ASXL3: variants seen among roughly 807,000 people sequenced by gnomAD.
ASXL3 encodes the protein ASXL transcriptional regulator 3.
Under a neutral mutation model 170.6 loss-of-function variants are expected in ASXL3, and 34 were observed. The observed-to-expected ratio is 0.20, with a 90% CI of 0.15 to 0.27. ASXL3 has a LOEUF of 0.27. Ranked by LOEUF, ASXL3 falls within the 10% of genes least tolerant of loss-of-function variation. The pLI, the probability that ASXL3 is intolerant of heterozygous loss-of-function variation, is 1.00. For missense variants in ASXL3, 2,592 were observed against 2,695.3 expected, an observed-to-expected ratio of 0.96 and a Z score of 0.85; for synonymous variants, 1,002 against 989.1, an observed-to-expected ratio of 1.01 and a Z score of -0.24.
At chr18:33,727,246 A>T (rs1318623226) in intron 8 of ASXL3, among the ~76,000 whole-genome samples, 2 of 152,084 alleles carry the variant, frequency 1.3e-5, no homozygotes, top group East Asian at 3.9e-4. Flanking sequence ...CTCTCATACC[A>T]TGCAGTTAGA....
chr18:33,739,778 C>T lies in ASXL3; in HGVS notation c.2374C>T (p.Pro792Ser). Reference protein sequence around the residue: ...QKDESSATAKPLGENLTSQQK... With the variant: ...QKDESSATAKSLGENLTSQQK... ...AGATGAGTCTTCCGCCACTGCCAAACCTCTGGGAGAGAACCTTACCTCCCA... is the reference window on the plus strand; with the variant it reads ...AGATGAGTCTTCCGCCACTGCCAAATCTCTGGGAGAGAACCTTACCTCCCA... Residue 792 changes from proline (P) to serine (S), a missense_variant, in exon 11 of 12, where the codon CCT becomes TCT. By Grantham distance (74) the Pro-to-Ser change is moderately conservative (BLOSUM62 -1). This residue lies in a region of ASXL3 where 2,246 missense variants were observed against 2,219.6 expected (regional missense o/e 1.01). Coordinates refer to ENST00000269197, the MANE Select transcript of ASXL3 (RefSeq NM_030632.3). The T allele has an allele frequency of 6.2e-7, 1 of 1,613,838 alleles. No individual in the cohort carries two copies. Among genetic ancestry groups the T allele is most frequent in the South Asian group, 1.1e-5 (1 of 91,086 alleles).
chr18:33,682,010 C>T (rs1033463112), intron 7 of ASXL3, among the ~76,000 whole-genome samples: 2 of 151,940 alleles, frequency 1.3e-5, no homozygotes, highest in African/African-American at 4.8e-5. Context: ...TTTGACTGTT[C>T]TTTTATCATG....
chr18:33,732,059 C>A lies in ASXL3; in HGVS notation c.971C>A (p.Ala324Glu). ...GCACAAGGGTGGAAACAGCGACTGG[C>A]AGAAGGTAAATTTGTATTTTCTATT... ...YAAQGWKQRL[A>E]EGEFTPEMQL... The change falls in exon 9 of 12, where the codon GCA becomes GAA. Residue 324 changes from alanine (A) to glutamate (E), a missense_variant. Coordinates refer to ENST00000269197, the MANE Select transcript of ASXL3 (RefSeq NM_030632.3). The A allele has an allele frequency of 6.2e-7, 1 of 1,611,340 alleles. No homozygotes were observed. The highest frequency in any genetic ancestry group is 8.5e-7 in the Non-Finnish European group (1 of 1,178,284).
intron 4 of ASXL3, among the ~76,000 whole-genome samples, chr18:33,646,951 T>C (rs1340860725): frequency 1.3e-5 from 2 of 150,750 alleles, no homozygotes; most frequent in Admixed American, 1.3e-4. Flanking sequence ...AAGACAATTA[T>C]ATTGTGATCC....
At chr18:33,692,171 A>G (rs565091550) in intron 8 of ASXL3, among the ~76,000 whole-genome samples, 2 of 152,328 alleles carry the variant, frequency 1.3e-5, no homozygotes, top group South Asian at 4.1e-4. Flanking sequence ...ATGTGAGTAA[A>G]TTGAGGCCAC....
chr18:33,626,847 T>C (rs1055564642), intron 2 of ASXL3: 2 of 152,808 alleles, frequency 1.3e-5, no homozygotes, highest in African/African-American at 2.4e-5. Context: ...TATACACATA[T>C]ATAATATTTT....
chr18:33,689,588 T>C (rs948808288), intron 8 of ASXL3, among the ~76,000 whole-genome samples: 2 of 152,334 alleles, frequency 1.3e-5, no homozygotes, highest in Admixed American at 6.5e-5. Flanking sequence ...GTTTTCATAA[T>C]ATCTCCTACT....
intron 8 of ASXL3, among the ~76,000 whole-genome samples, chr18:33,697,017 G>C (rs2066784258): frequency 6.6e-6 from 1 of 152,084 alleles, no homozygotes. Flanking sequence ...CAGAGTTTCT[G>C]ATGGAAACCA....
rs1397232541 is a variant in ASXL3, at chr18:33,738,866, G to A, written c.1462G>A (p.Glu488Lys). The change falls in exon 11 of 12, where the codon GAA becomes AAA. Residue 488 changes from glutamate to lysine, a missense_variant. By Grantham distance (56) the Glu-to-Lys change is moderately conservative. Around this residue, in one of 4 missense-constraint regions of ASXL3, gnomAD observed 2,246 missense variants for 2,219.6 expected, o/e 1.01. Transcript: ENST00000269197. ...EEAESLTNSHEEPQIAPPEDN... is the reference protein window; with the variant it reads ...EEAESLTNSHKEPQIAPPEDN... ...GGCTGAAAGTCTAACCAATTCTCAT[G>A]AAGAACCCCAAATAGCACCTCCTGA... 4 of 1,613,556 alleles carry A rather than the reference G, an allele frequency of 2.5e-6. No individual in the cohort carries two copies. The highest frequency in any genetic ancestry group is 1.7e-6 in the Non-Finnish European group (2 of 1,179,786).
intron 2 of ASXL3, among the ~76,000 whole-genome samples, chr18:33,613,758 T>TA (rs1353388434): frequency 6.6e-6 from 1 of 152,024 alleles, no homozygotes; most frequent in East Asian, 1.9e-4. Flanking sequence ...CCTGTTTCTA[T>TA]AAAAAATAAA....
chr18:33,676,575 A>T (rs928469929), intron 7 of ASXL3, among the ~76,000 whole-genome samples: 1 of 152,184 alleles, frequency 6.6e-6, no homozygotes, highest in Non-Finnish European at 1.5e-5. Flanking sequence ...CACTGTTCTG[A>T]TATGCATAAA....
chr18:33,640,670 A>AC (rs2065832705), intron 2 of ASXL3, among the ~76,000 whole-genome samples: 1 of 152,088 alleles, frequency 6.6e-6, no homozygotes, highest in South Asian at 2.1e-4. Context: ...TGCACCTGAG[A>AC]CCCACCTAAC....
At chr18:33,647,191 C>A (rs1183353252) in intron 4 of ASXL3, among the ~76,000 whole-genome samples, 1 of 152,004 alleles carries the variant, frequency 6.6e-6, no homozygotes, top group African/African-American at 2.4e-5. Flanking sequence ...TCAGTAATAA[C>A]CCAAAGTCAT....
chr18:33,644,965 T>A lies in ASXL3; in HGVS notation c.209T>A (p.Phe70Tyr). ...TNTRIGDGTFFKIPGKSGLYA... is the reference protein window; with the variant it reads ...TNTRIGDGTFYKIPGKSGLYA... ...ACTCGAATAGGGGATGGAACATTCT[T>A]CAAAATCCCTGGAAAGTCAGGCCTC... Residue 70 changes from phenylalanine (F) to tyrosine (Y), a missense_variant, in exon 3 of 12, where the codon TTC (phenylalanine) becomes TAC (tyrosine). By Grantham distance (22) the Phe-to-Tyr change is conservative. Around this residue, in one of 4 missense-constraint regions of ASXL3, gnomAD observed 251 missense variants for 281.9 expected, o/e 0.89. Coordinates refer to ENST00000269197, the MANE Select transcript of ASXL3 (RefSeq NM_030632.3). 1 of 1,577,218 alleles carries A rather than the reference T, an allele frequency of 6.3e-7. No homozygotes were observed. The highest frequency in any genetic ancestry group is 8.6e-7 in the Non-Finnish European group (1 of 1,159,444).
At chr18:33,730,142 T>G (rs2067418694) in intron 8 of ASXL3, among the ~76,000 whole-genome samples, 1 of 152,020 alleles carries the variant, frequency 6.6e-6, no homozygotes, top group African/African-American at 2.4e-5. Flanking sequence ...TTTGGAGATG[T>G]TTTTTGTTGT....
intron 5 of ASXL3, among the ~76,000 whole-genome samples, chr18:33,666,821 C>T (rs937641980): frequency 6.6e-6 from 1 of 152,094 alleles, no homozygotes; most frequent in Admixed American, 6.5e-5. Flanking sequence ...GTGTGTGTTC[C>T]AAACCTTGTA....
chr18:33,626,631 T>C (rs1171362889), intron 2 of ASXL3: 1 of 152,064 alleles, frequency 6.6e-6, no homozygotes, highest in Non-Finnish European at 1.5e-5. Flanking sequence ...CAGGACAAAC[T>C]ATTTTCCATT....
At chr18:33,607,927 G>T (rs995570944) in intron 2 of ASXL3, among the ~76,000 whole-genome samples, 8 of 151,968 alleles carry the variant, frequency 5.3e-5, no homozygotes, top group Non-Finnish European at 1.0e-4. Context: ...GTGTGACTTA[G>T]CCCCTCATTG....
chr18:33,729,898 G>T (rs185160865), intron 8 of ASXL3, among the ~76,000 whole-genome samples: 2 of 152,016 alleles, frequency 1.3e-5, no homozygotes, highest in Admixed American at 6.6e-5. Context: ...AATCCCCAGC[G>T]TTCCCAACAC....
Sources: gnomAD v4.1 joint callset for allele counts (sites outside exome capture counted in the v4.1 genomes callset) on GRCh38, gnomAD v4.1.1 for gene constraint, gnomAD v4.1.1 regional missense constraint, MANE v1.5 for transcripts, NCBI Gene and HGNC (gene_info 2026-07-23, HGNC 2026-07-21) for gene names.